Variants in KIAA1549 observed in about 807,000 individuals in gnomAD.
The protein encoded by KIAA1549 is KIAA1549.
A neutral mutation model predicts 156.4 loss-of-function variants in KIAA1549; 70 were observed. That is an observed-to-expected ratio of 0.45 (90% CI 0.37 to 0.55). KIAA1549 has a LOEUF of 0.55. Among genes scored for constraint, KIAA1549 ranks in the 20% least tolerant of loss-of-function variants. The probability of loss-of-function intolerance (pLI) is 0.00; values close to 1 mark genes in which losing one functional copy is unlikely to be tolerated. For synonymous variants in KIAA1549, 1,103 were observed against 1,066.4 expected (o/e 1.03, Z -0.67); for missense variants, 2,428 against 2,540.9 (o/e 0.96, Z 0.96).
chr7:138,960,010 A>C (rs186447688), intron 1 of KIAA1549, among the ~76,000 whole-genome samples: 67 of 152,352 alleles, frequency 4.4e-4, no homozygotes, highest in African/African-American at 1.6e-3. Context: ...GATAGGGTGA[A>C]TCAAACAGGA....
chr7:138,919,245 T>G lies in KIAA1549; in HGVS notation c.381A>C (p.Lys127Asn), dbSNP rs776411444. 1 of 1,613,986 alleles carries G rather than the reference T, an allele frequency of 6.2e-7. No homozygotes were observed. Among genetic ancestry groups the G allele is most frequent in the Non-Finnish European group, 8.5e-7 (1 of 1,179,892 alleles). Residue 127 changes from lysine to asparagine, a missense_variant, in exon 2 of 20, where the codon AAA becomes AAC. By Grantham distance (94) the Lys-to-Asn change is moderately conservative. Around this residue, in one of 5 missense-constraint regions of KIAA1549, gnomAD observed 893 missense variants for 847.9 expected, o/e 1.05. Transcript: ENST00000422774. ...TFDTAFFNQG[K>N]QTKSTADPSI... The stretch of plus-strand genomic sequence containing the variant: ...TGGGATCTGCTGTACTTTTGGTCTG[T>G]TTTCCTTGGTTAAAAAAGGCTGTAT...
At chr7:138,842,574 T>C (rs1486594402) in intron 18 of KIAA1549, among the ~76,000 whole-genome samples, 1 of 151,844 alleles carries the variant, frequency 6.6e-6, no homozygotes, top group Non-Finnish European at 1.5e-5. Flanking sequence ...GTAATCCTAA[T>C]CATAGCTACT....
intron 1 of KIAA1549, among the ~76,000 whole-genome samples, chr7:138,964,807 A>G (rs1013048672): frequency 1.3e-5 from 2 of 152,224 alleles, no homozygotes; most frequent in African/African-American, 4.8e-5. Context: ...GCCTTTCTAG[A>G]GAGCGATTTG....
chr7:138,961,116 C>G (rs2130556438), intron 1 of KIAA1549, among the ~76,000 whole-genome samples: 1 of 152,336 alleles, frequency 6.6e-6, no homozygotes, highest in South Asian at 2.1e-4. Flanking sequence ...CCCACAACCT[C>G]TTGCCCACCA....
At chr7:138,913,403 T>G (rs951933663) in intron 2 of KIAA1549, among the ~76,000 whole-genome samples, 6 of 152,214 alleles carry the variant, frequency 3.9e-5, no homozygotes, top group African/African-American at 1.4e-4. Context: ...TTTCATATTT[T>G]AAAAGTTCCA....
intron 10 of KIAA1549, among the ~76,000 whole-genome samples, chr7:138,890,455 C>T (rs75358131): frequency 0.024 from 3,609 of 152,356 alleles, 157 homozygotes; most frequent in African/African-American, 0.082. Context: ...CACCATGCTG[C>T]TTCCATTTAG....
Position 138,903,473 on chromosome 7 carries a change from T to C in KIAA1549, c.3669+115A>G, listed in dbSNP as rs1282355380. On this transcript the variant is annotated intron_variant, in intron 8 of 19. Coordinates refer to ENST00000422774, the MANE Select transcript of KIAA1549 (RefSeq NM_001164665.2). ...GCGATCAGTGGAAATCAGAAATTTC[T>C]CATGGCACTTCTCATTTGCATAAAA... 139 of 1,093,704 alleles carry C rather than the reference T, an allele frequency of 1.3e-4. 1 individual carries two copies. Among genetic ancestry groups the C allele is most frequent in the Non-Finnish European group, 7.7e-6 (6 of 782,918 alleles). The allele number at this position is 1,093,704 out of a possible 1,614,324, so 67.7% of individuals were successfully genotyped here. A position where few individuals can be genotyped will look rare whatever the true frequency, so the allele number is the denominator to read the frequency against.
At chr7:138,930,372 A>T (rs1478042214) in intron 1 of KIAA1549, among the ~76,000 whole-genome samples, 1 of 152,184 alleles carries the variant, frequency 6.6e-6, no homozygotes, top group Non-Finnish European at 1.5e-5. Flanking sequence ...CTAACAAGAG[A>T]GTCAGCCATC....
intron 1 of KIAA1549, among the ~76,000 whole-genome samples, chr7:138,956,657 C>T (rs1470212210): frequency 6.6e-6 from 1 of 152,174 alleles, no homozygotes; most frequent in Admixed American, 6.5e-5. Context: ...GTGATGCCTC[C>T]TCAGCCACAT....
At chr7:138,950,255 C>T (rs1179744453) in intron 1 of KIAA1549, among the ~76,000 whole-genome samples, 3 of 152,044 alleles carry the variant, frequency 2.0e-5, no homozygotes, top group Admixed American at 1.3e-4. Context: ...TTATTATAAT[C>T]GTAAAAAATT....
chr7:138,909,242 G>T (rs982221678), intron 4 of KIAA1549, 121 bp from the exon 5 acceptor site: 5 of 947,226 alleles, frequency 5.3e-6, no homozygotes, highest in African/African-American at 1.7e-5. Flanking sequence ...ATGGGATTAA[G>T]TACTGTGATG....
intron 1 of KIAA1549, among the ~76,000 whole-genome samples, chr7:138,928,754 TTA>T (rs1440732965): frequency 1.3e-5 from 2 of 152,210 alleles, no homozygotes; most frequent in African/African-American, 2.4e-5. Context: ...CACAATAGCA[TTA>T]TGTCTTAAAA....
At chr7:138,883,785 A>G (rs1218393576) in intron 10 of KIAA1549, among the ~76,000 whole-genome samples, 1 of 152,226 alleles carries the variant, frequency 6.6e-6, no homozygotes, top group African/African-American at 2.4e-5. Context: ...GCCAAAAGCA[A>G]ACCGAAGCCT....
At chr7:138,908,867 C>A in intron 5 of KIAA1549, 124 bp downstream of exon 5, 1 of 1,148,510 alleles carries the variant, frequency 8.7e-7, no homozygotes. Context: ...AGATCAATCC[C>A]GACTCACATA....
At chr7:138,916,685 CT>C (rs2130476142) in intron 2 of KIAA1549, 62 bp downstream of exon 2, 1 of 1,584,096 alleles carries the variant, frequency 6.3e-7, no homozygotes, top group East Asian at 2.3e-5. Flanking sequence ...CTCACAGGCA[CT>C]GCACACAAGC....
intron 1 of KIAA1549, among the ~76,000 whole-genome samples, chr7:138,979,518 T>C (rs1814480496): frequency 6.6e-6 from 1 of 152,190 alleles, no homozygotes; most frequent in African/African-American, 2.4e-5. Context: ...TTGGATCGTG[T>C]ATATAAAATT....
chr7:138,900,237 G>C (rs150420083), intron 8 of KIAA1549, among the ~76,000 whole-genome samples: 1 of 152,130 alleles, frequency 6.6e-6, no homozygotes, highest in Non-Finnish European at 1.5e-5. Flanking sequence ...CTTCCAGATC[G>C]TGTCTAAAGA....
chr7:138,926,469 G>A (rs1261825837), intron 1 of KIAA1549, among the ~76,000 whole-genome samples: 1 of 151,962 alleles, frequency 6.6e-6, no homozygotes, highest in African/African-American at 2.4e-5. Context: ...ATTTTTAGTA[G>A]ACATGGGGTT....
rs1376735386 is a variant in KIAA1549, at chr7:138,861,411, C to T, written c.4975G>A (p.Glu1659Lys). 6.2e-7 allele frequency: 1 copy of T among 1,612,102 alleles called. No individual in the cohort carries two copies. The highest frequency in any genetic ancestry group is 8.5e-7 in the Non-Finnish European group (1 of 1,179,366). ...PADVQTPSSV[E>K]LGRYPALPFP... Reference sequence around the variant, plus strand: ...GGAAGGGCTGGATACCTCCCCAGTTCCACCGAGGATGGTGTCTGCACATCG... The same window carrying T: ...GGAAGGGCTGGATACCTCCCCAGTTTCACCGAGGATGGTGTCTGCACATCG... The change falls in exon 16 of 20, where the codon GAA becomes AAA. Residue 1659 changes from glutamate to lysine, a missense_variant. Around this residue, in one of 5 missense-constraint regions of KIAA1549, gnomAD observed 404 missense variants for 417.0 expected, o/e 0.97. Coordinates refer to ENST00000422774, the MANE Select transcript of KIAA1549 (RefSeq NM_001164665.2).
Sources: gnomAD v4.1 joint callset for allele counts (sites outside exome capture counted in the v4.1 genomes callset) on GRCh38, gnomAD v4.1.1 for gene constraint, gnomAD v4.1.1 regional missense constraint, MANE v1.5 for transcripts, NCBI Gene and HGNC (gene_info 2026-07-23, HGNC 2026-07-21) for gene names.